WDPCP: variants seen among roughly 807,000 people sequenced by gnomAD.
WDPCP encodes the protein WD repeat-containing and planar cell polarity effector protein fritz homolog.
WDPCP carries 71 observed loss-of-function variants against 93.1 expected under a neutral mutation model. The observed-to-expected ratio is 0.76, with a 90% CI of 0.63 to 0.93. The LOEUF (loss-of-function observed/expected upper bound fraction) is 0.93. Ranked by LOEUF, WDPCP falls within the 40% of genes least tolerant of loss-of-function variation. The pLI is 0.00. For missense variants in WDPCP, 844 were observed against 887.4 expected, an observed-to-expected ratio of 0.95 and a Z score of 0.62; for synonymous variants, 315 against 315.0, an observed-to-expected ratio of 1.00 and a Z score of 0.00.
intron 9 of WDPCP, among the ~76,000 whole-genome samples, chr2:63,429,849 G>A (rs1011838444): frequency 6.6e-6 from 1 of 152,082 alleles, no homozygotes; most frequent in Non-Finnish European, 1.5e-5. Flanking sequence ...ACACTGAAAA[G>A]AAAATAAATC....
chr2:63,607,137 A>C, intron 3 of WDPCP: 4 of 645,596 alleles, frequency 6.2e-6, no homozygotes, highest in East Asian at 3.2e-5. Context: ...CAGGTTTGTG[A>C]ATGACAGTTT....
intron 2 of WDPCP, among the ~76,000 whole-genome samples, chr2:63,688,083 G>A (rs1374776274): frequency 6.6e-6 from 1 of 152,084 alleles, no homozygotes; most frequent in Non-Finnish European, 1.5e-5. Flanking sequence ...AATAAGCCAG[G>A]CAAAGAAACA....
At chr2:63,282,162 T>C (rs985645803) in intron 13 of WDPCP, among the ~76,000 whole-genome samples, 1 of 152,066 alleles carries the variant, frequency 6.6e-6, no homozygotes. Context: ...GGCACGCTAC[T>C]AAAATATAAT....
At chr2:63,284,455 A>T (rs1683830972) in intron 13 of WDPCP, among the ~76,000 whole-genome samples, 1 of 152,186 alleles carries the variant, frequency 6.6e-6, no homozygotes, top group Admixed American at 6.5e-5. Flanking sequence ...TTTCCTTATT[A>T]TGTTGAGAAC....
intron 2 of WDPCP, among the ~76,000 whole-genome samples, chr2:63,665,819 T>C (rs1710276412): frequency 1.3e-5 from 2 of 151,634 alleles, no homozygotes; most frequent in African/African-American, 4.8e-5. Context: ...CAATTCTCTA[T>C]AGAAGTTTGA....
rs144263126 is a variant in WDPCP, at chr2:63,479,966, G to A, written c.384+4638C>T. Among the ~76,000 whole-genome samples the A allele has an allele frequency of 7.2e-5, 11 of 152,156 alleles. No homozygotes were observed. The East Asian group carries it at 2.1e-3, about 29-fold the overall frequency. ...GTCACTGTTTGCTGATGATACAATC[G>A]TTTACCTTGAAAACCCTAAAGACTC... On this transcript the variant is annotated intron_variant, in intron 6 of 17. Coordinates refer to ENST00000272321, the MANE Select transcript of WDPCP (RefSeq NM_015910.7).
At chr2:63,566,229 C>A (rs189141988) in intron 1 of WDPCP, among the ~76,000 whole-genome samples, 1 of 152,220 alleles carries the variant, frequency 6.6e-6, no homozygotes, top group Non-Finnish European at 1.5e-5. Flanking sequence ...GGCAAACCTG[C>A]CTCTCATTCA....
At chr2:63,715,710 A>C (rs1669327804) in intron 2 of WDPCP, among the ~76,000 whole-genome samples, 1 of 152,220 alleles carries the variant, frequency 6.6e-6, no homozygotes, top group African/African-American at 2.4e-5. Flanking sequence ...AAAATAGCCT[A>C]TTTCTGCTCA....
At chr2:63,601,193 T>A (rs1046666387) in intron 3 of WDPCP, among the ~76,000 whole-genome samples, 1 of 152,194 alleles carries the variant, frequency 6.6e-6, no homozygotes, top group African/African-American at 2.4e-5. Flanking sequence ...TGAGAGCTTT[T>A]AGGGAGTCAT....
At chr2:63,575,993 G>GT (rs1226500369) in intron 1 of WDPCP, among the ~76,000 whole-genome samples, 1 of 152,008 alleles carries the variant, frequency 6.6e-6, no homozygotes, top group African/African-American at 2.4e-5. Context: ...ACACAGTTAA[G>GT]TAATTTTATT....
intron 6 of WDPCP, among the ~76,000 whole-genome samples, chr2:63,466,639 T>A (rs1699360922): frequency 6.6e-6 from 1 of 152,224 alleles, no homozygotes. Flanking sequence ...ATTAGCTAAC[T>A]ATGGAAGTAC....
intron 2 of WDPCP, among the ~76,000 whole-genome samples, chr2:63,704,278 G>C (rs369486497): frequency 0.18 from 27,491 of 152,038 alleles, 2,714 homozygotes; most frequent in Middle Eastern, 0.26. Flanking sequence ...TTTCCTAATT[G>C]AATGCCCTTT....
rs950475159 is a variant in WDPCP at position 63,636,930 on chromosome 2, T to C, written n.488+13729A>G. On this transcript the variant is annotated intron_variant and non_coding_transcript_variant, in intron 3 of 4. Transcript: ENST00000467687. Reference sequence around the variant, plus strand: ...CTTCCAAAAATTAACTCAAATTGGATTTAACATTTAAGTGTAAAACTCGAA... The same window carrying C: ...CTTCCAAAAATTAACTCAAATTGGACTTAACATTTAAGTGTAAAACTCGAA... Among the ~76,000 whole-genome samples the C allele has an allele frequency of 2.0e-5, 3 of 152,340 alleles. No homozygotes were observed. The South Asian group carries it at 6.2e-4, about 32-fold the overall frequency.
chr2:63,831,643 T>A (rs144550144), upstream of WDPCP, among the ~76,000 whole-genome samples: 2 of 152,270 alleles, frequency 1.3e-5, no homozygotes, highest in African/African-American at 4.8e-5. Context: ...GTTTAAAATG[T>A]TTTTAAACTA....
At chr2:63,716,486 T>A (rs1669338241) in intron 2 of WDPCP, among the ~76,000 whole-genome samples, 2 of 152,236 alleles carry the variant, frequency 1.3e-5, no homozygotes, top group Admixed American at 6.5e-5. Context: ...TCAGAAGTAA[T>A]CTCTATGATG....
intron 6 of WDPCP, among the ~76,000 whole-genome samples, chr2:63,467,353 A>C (rs1699405027): frequency 2.0e-5 from 3 of 151,766 alleles, no homozygotes. Flanking sequence ...GGTGGCACAC[A>C]CTTATAATCC....
rs548626168 is a variant in WDPCP at position 63,827,686 on chromosome 2, A to C, written n.158T>G. The C allele has an allele frequency of 2.0e-5, 3 of 152,316 alleles. No homozygotes were observed. In the South Asian group the frequency reaches 6.2e-4, roughly 32 times the overall value. The allele number at this position is 152,316 out of a possible 1,614,324, so 9.4% of individuals were successfully genotyped here. ...TCAGTTAAACGGTTCAAACCTTGTA[A>C]TCAAAACTCTGTCTCTTCATTCTCC... On this transcript the variant is annotated non_coding_transcript_exon_variant, in exon 1 of 5. Transcript: ENST00000467687.
intron 2 of WDPCP, among the ~76,000 whole-genome samples, chr2:63,489,385 A>G (rs1700742409): frequency 6.6e-6 from 1 of 152,166 alleles, no homozygotes; most frequent in African/African-American, 2.4e-5. Context: ...ATGGATGTAA[A>G]TATGTGTGTA....
At chr2:63,296,479 C>T (rs950724808) in intron 13 of WDPCP, among the ~76,000 whole-genome samples, 1 of 152,112 alleles carries the variant, frequency 6.6e-6, no homozygotes, top group Non-Finnish European at 1.5e-5. Context: ...TAAAACGTAT[C>T]CAACTAGGAA....
Sources: gnomAD v4.1 joint callset for allele counts (sites outside exome capture counted in the v4.1 genomes callset) on GRCh38, gnomAD v4.1.1 for gene constraint, MANE v1.5 for transcripts, NCBI Gene and HGNC (gene_info 2026-07-23, HGNC 2026-07-21) for gene names.